The following BRD4 variants were observed in gnomAD, a reference collection of about 807,000 sequenced individuals.
BRD4 encodes the protein bromodomain-containing protein 4.
In BRD4, 16 loss-of-function variants were observed where a neutral mutation model predicts 142.1. The ratio of observed to expected loss-of-function variants is 0.11; its 90% CI spans 0.08 to 0.17. The LOEUF (loss-of-function observed/expected upper bound fraction) is 0.17, where lower values mean the gene tolerates loss of function less well. Ranked by LOEUF, BRD4 falls within the 10% of genes least tolerant of loss-of-function variation. BRD4 has a pLI of 1.00. For missense variants in BRD4, 1,424 were observed against 1,810.9 expected, an observed-to-expected ratio of 0.79 and a Z score of 3.88; for synonymous variants, 833 against 707.5, an observed-to-expected ratio of 1.18 and a Z score of -2.82.
chr19:15,262,921 C>T (rs757710344), intron 7 of BRD4, among the ~76,000 whole-genome samples: 24 of 152,190 alleles, frequency 1.6e-4, no homozygotes, highest in Non-Finnish European at 3.1e-4. Context: ...GTACTTCACA[C>T]TGTGCACCAC....
intron 1 of BRD4, among the ~76,000 whole-genome samples, chr19:15,326,120 C>T (rs950231436): frequency 1.7e-5 from 2 of 120,784 alleles, no homozygotes; most frequent in African/African-American, 6.4e-5. Flanking sequence ...CCAGTTAAAA[C>T]GAAACATTTT....
intron 11 of BRD4, among the ~76,000 whole-genome samples, chr19:15,251,626 C>CT (rs1427989814): frequency 6.6e-6 from 1 of 152,054 alleles, no homozygotes; most frequent in Non-Finnish European, 1.5e-5. Flanking sequence ...GCTACGCCCC[C>CT]TCTGCCCCCC....
chr19:15,323,865 T>TC (rs1397824761), intron 1 of BRD4, among the ~76,000 whole-genome samples: 2 of 152,202 alleles, frequency 1.3e-5, no homozygotes, highest in Non-Finnish European at 2.9e-5. Context: ...AAGCCAGCAC[T>TC]CCTCGGCCCC....
intron 1 of BRD4, among the ~76,000 whole-genome samples, chr19:15,314,346 T>C (rs950497789): frequency 1.3e-5 from 2 of 152,140 alleles, no homozygotes; most frequent in Non-Finnish European, 2.9e-5. Flanking sequence ...ACATGATACT[T>C]ATCTAGGTCA....
chr19:15,303,030 C>T (rs913159943), intron 1 of BRD4, among the ~76,000 whole-genome samples: 2 of 147,904 alleles, frequency 1.4e-5, no homozygotes, highest in Non-Finnish European at 3.0e-5. Flanking sequence ...AAAAAAAGTG[C>T]TTTTCTGAAA....
intron 1 of BRD4, among the ~76,000 whole-genome samples, chr19:15,326,545 TCAGA>T (rs370709678): frequency 1.5e-4 from 23 of 152,264 alleles, no homozygotes; most frequent in East Asian, 3.9e-4. Flanking sequence ...ATTGTGTTAC[TCAGA>T]CAAAGACAAA....
intron 5 of BRD4, 35 bp downstream of exon 5, chr19:15,265,319 T>G (rs778444980): frequency 2.7e-6 from 4 of 1,465,234 alleles, no homozygotes; most frequent in Non-Finnish European, 3.6e-6. Flanking sequence ...CTCTCCTCCC[T>G]GGTGAAGCAG....
intron 1 of BRD4, among the ~76,000 whole-genome samples, chr19:15,308,967 AT>A (rs2047942012): frequency 6.6e-6 from 1 of 151,546 alleles, no homozygotes; most frequent in Admixed American, 6.6e-5. Flanking sequence ...GTGAGCCAAG[AT>A]TGCACCACTG....
chr19:15,238,097 C>T lies in BRD4; in HGVS notation c.*280G>A. 1 of 474,656 alleles carries T rather than the reference C, an allele frequency of 2.1e-6. No individual in the cohort carries two copies. The highest frequency in any genetic ancestry group is 3.8e-6 in the Non-Finnish European group (1 of 262,518). The allele number at this position is 474,656 out of a possible 1,614,324, so 29.4% of individuals were successfully genotyped here. A position where few individuals can be genotyped will look rare whatever the true frequency, so the allele number is the denominator to read the frequency against. ...GGCCTCTGCCCCGCATGTGGGGATG[C>T]AGGGCTTGGGTCCAGCCGGCACTTG... On this transcript the variant is annotated 3_prime_UTR_variant, in exon 20 of 20. Coordinates refer to ENST00000679869, the MANE Select transcript of BRD4 (RefSeq NM_001379291.1). The surrounding 1 kb of genome is among the most constrained non-coding windows in gnomAD (Gnocchi z 7.2).
In BRD4 at chr19:15,239,291, T is replaced by A; in HGVS notation, c.3577-27A>T. ...TGCAGAACAGAGAGGTTGGGGTGGG[T>A]GAGGGGTCTGCTGTGCCTAAAGGGC... is the stretch of plus-strand genomic sequence containing the variant. On this transcript the variant is annotated intron_variant, in intron 17 of 19. Transcript: ENST00000679869. This position sits in a 1 kb window ranked among gnomAD's most constrained non-coding sequence, Gnocchi z 7.4. 6.2e-7 allele frequency: 1 copy of A among 1,612,698 alleles called. No individual in the cohort carries two copies. The highest frequency in any genetic ancestry group is 2.2e-5 in the East Asian group (1 of 44,816).
chr19:15,243,733 C>A (rs1324708573), intron 13 of BRD4, among the ~76,000 whole-genome samples: 1 of 152,180 alleles, frequency 6.6e-6, no homozygotes, highest in Non-Finnish European at 1.5e-5. Flanking sequence ...TCCCCATGCT[C>A]ACAATGGCCC....
chr19:15,274,971 A>C (rs1280540392), intron 1 of BRD4, among the ~76,000 whole-genome samples: 2 of 150,108 alleles, frequency 1.3e-5, no homozygotes, highest in Admixed American at 1.3e-4. Context: ...TGATTCTCCC[A>C]CCTCAGCCTC....
rs1255681174 is a variant in BRD4 at position 15,244,251 on chromosome 19, T to A, written c.2561A>T (p.His854Leu). ...EHSTPPHLNQ[H>L]AVVSPPALHN... ...CTCACCTGGAGGAGAGACCACTGCG[T>A]GCTGGTTGAGATGGGGTGGAGTGCT... is the stretch of plus-strand genomic sequence containing the variant. Residue 854 changes from histidine (H) to leucine (L), a missense_variant, in exon 13 of 20, where the codon CAC (histidine) becomes CTC (leucine). Coordinates refer to ENST00000679869, the MANE Select transcript of BRD4 (RefSeq NM_001379291.1). 6.3e-7 allele frequency: 1 copy of A among 1,575,282 alleles called. No individual in the cohort carries two copies. Among genetic ancestry groups the A allele is most frequent in the Admixed American group, 1.9e-5 (1 of 53,860 alleles).
At chr19:15,301,776 G>C (rs2047870006) in intron 1 of BRD4, among the ~76,000 whole-genome samples, 1 of 149,474 alleles carries the variant, frequency 6.7e-6, no homozygotes, top group African/African-American at 2.5e-5. Flanking sequence ...CAGGAGAATG[G>C]TGTGAACCTG....
chr19:15,257,157 C>T lies in BRD4; in HGVS notation c.1358G>A (p.Arg453His), dbSNP rs1232360432. Residue 453 changes from arginine to histidine, a missense_variant, in exon 8 of 20, where the codon CGC (arginine) becomes CAC (histidine). Arg to His is a conservative substitution (Grantham distance 29, BLOSUM62 0). Around this residue, in one of 16 missense-constraint regions of BRD4, gnomAD observed 90 missense variants for 93.2 expected, o/e 0.97. Coordinates refer to ENST00000679869, the MANE Select transcript of BRD4 (RefSeq NM_001379291.1). ...AGGCTCGTCCGGCATCTTGGCAAAG[C>T]GCATTTCGAACACATCCTGGTGAGG... is the stretch of plus-strand genomic sequence containing the variant. ...ARKLQDVFEM[R>H]FAKMPDEPEE... 1.9e-6 allele frequency: 3 copies of T among 1,607,140 alleles called. No individual in the cohort carries two copies. Among genetic ancestry groups the T allele is most frequent in the Non-Finnish European group, 2.5e-6 (3 of 1,178,940 alleles).
chr19:15,310,961 C>T (rs2047965087), intron 1 of BRD4, among the ~76,000 whole-genome samples: 1 of 152,020 alleles, frequency 6.6e-6, no homozygotes, highest in African/African-American at 2.4e-5. Flanking sequence ...AGCAGGCTTC[C>T]GCACCCACGT....
intron 1 of BRD4, among the ~76,000 whole-genome samples, chr19:15,286,216 C>T (rs991265930): frequency 1.3e-5 from 2 of 152,188 alleles, no homozygotes; most frequent in South Asian, 2.1e-4. Context: ...CCCTCCACCC[C>T]GAGCAGATGA....
intron 1 of BRD4, among the ~76,000 whole-genome samples, chr19:15,330,925 G>A (rs993305731): frequency 5.9e-5 from 9 of 152,000 alleles, no homozygotes; most frequent in South Asian, 4.1e-4. Context: ...AAAAACTCCC[G>A]ACCATTGTTA....
intron 1 of BRD4, among the ~76,000 whole-genome samples, chr19:15,319,347 C>A (rs1354031257): frequency 6.6e-6 from 1 of 152,144 alleles, no homozygotes; most frequent in Non-Finnish European, 1.5e-5. Flanking sequence ...CACCTGTAGT[C>A]CCAGCTACCT....
Sources: gnomAD v4.1 joint callset for allele counts (sites outside exome capture counted in the v4.1 genomes callset) on GRCh38, gnomAD v4.1.1 for gene constraint, gnomAD v4.1.1 regional missense constraint, Gnocchi (gnomAD v3.1) non-coding constraint, MANE v1.5 for transcripts, NCBI Gene and HGNC (gene_info 2026-07-23, HGNC 2026-07-21) for gene names.